ZNF516: variants seen among roughly 807,000 people sequenced by gnomAD.
The protein encoded by ZNF516 is zinc finger protein 516.
In ZNF516, 19 loss-of-function variants were observed where a neutral mutation model predicts 79.7. The ratio of observed to expected loss-of-function variants is 0.24; its 90% CI spans 0.17 to 0.35. The LOEUF (loss-of-function observed/expected upper bound fraction) is 0.35. Ranked by LOEUF, ZNF516 falls within the 10% of genes least tolerant of loss-of-function variation. ZNF516 has a pLI of 1.00. For synonymous variants in ZNF516, 877 were observed against 739.5 expected, an observed-to-expected ratio of 1.19 and a Z score of -3.02; for missense variants, 1,678 against 1,679.5, an observed-to-expected ratio of 1.00 and a Z score of 0.02.
intron 1 of ZNF516, chr18:76,491,198 G>A (rs1915168772): frequency 1.3e-6 from 1 of 797,888 alleles, no homozygotes; most frequent in Non-Finnish European, 1.5e-6. Flanking sequence ...CCCGGTCCAC[G>A]CCGCCGCGCG....
At position 76,379,834 on chromosome 18, in the gene ZNF516, G is replaced by A; in HGVS notation, c.2280C>T (p.His760=). The change falls in exon 4 of 7, where the codon CAC becomes CAT. Residue 760 remains histidine, a synonymous_variant. Coordinates refer to ENST00000443185, the MANE Select transcript of ZNF516 (RefSeq NM_014643.4). ...ASSLQAALVV[H]PCPYCSHKTY... ...TCTTGTGGCTGCAGTAAGGACACGG[G>A]TGAACGACTAAAGCCGCCTGCAGGG... The A allele has an allele frequency of 6.2e-7, 1 of 1,613,894 alleles. No individual in the cohort carries two copies. Among genetic ancestry groups the A allele is most frequent in the Non-Finnish European group, 8.5e-7 (1 of 1,179,864 alleles).
At chr18:76,495,970 T>C (rs964322976), upstream of ZNF516, among the ~76,000 whole-genome samples, 1 of 152,214 alleles carries the variant, frequency 6.6e-6, no homozygotes, top group Non-Finnish European at 1.5e-5. Context: ...AGGGGTTGTT[T>C]ACCGGTAGCC....
chr18:76,395,327 C>A (rs993101105), intron 3 of ZNF516, among the ~76,000 whole-genome samples: 1 of 152,158 alleles, frequency 6.6e-6, no homozygotes. Context: ...TGTTTCACAG[C>A]TTTATCGCCA....
chr18:76,379,688 A>G lies in ZNF516; in HGVS notation c.2426T>C (p.Phe809Ser). 1 of 1,613,712 alleles carries G rather than the reference A, an allele frequency of 6.2e-7. No individual in the cohort carries two copies. The highest frequency in any genetic ancestry group is 1.1e-5 in the South Asian group (1 of 91,088). ...GYKSIRSNLV[F>S]LSRSGRTGPP... ...GCCCGTGCGTCCGCTCCGGGAAAGG[A>G]AAACCAAATTGCTTCTGATGCTTTT... Residue 809 changes from phenylalanine to serine, a missense_variant, in exon 4 of 7, where the codon TTC becomes TCC. Phe to Ser is a radical substitution (Grantham distance 155). Transcript: ENST00000443185.
intron 3 of ZNF516, among the ~76,000 whole-genome samples, chr18:76,390,627 G>A (rs569381181): frequency 2.4e-4 from 37 of 152,318 alleles, no homozygotes; most frequent in Non-Finnish European, 2.5e-4. Context: ...CCAAGTCTCC[G>A]AGGAAACGAG....
At chr18:76,410,094 T>A (rs376057426) in intron 3 of ZNF516, among the ~76,000 whole-genome samples, 9 of 152,338 alleles carry the variant, frequency 5.9e-5, no homozygotes, top group African/African-American at 2.2e-4. Context: ...CATGGGGAGC[T>A]ATGAGTCCAC....
upstream of ZNF516, chr18:76,495,429 C>G (rs149601907): frequency 6.7e-6 from 1 of 149,712 alleles, no homozygotes; most frequent in Non-Finnish European, 1.5e-5. Flanking sequence ...GCTCACGGCC[C>G]GGCGCAGGCC....
At chr18:76,463,498 T>C (rs1304613247) in intron 1 of ZNF516, among the ~76,000 whole-genome samples, 1 of 152,262 alleles carries the variant, frequency 6.6e-6, no homozygotes, top group Non-Finnish European at 1.5e-5. Context: ...ACACCTGCTA[T>C]GCATATGCCC....
intron 3 of ZNF516, among the ~76,000 whole-genome samples, chr18:76,434,793 T>A (rs1424903110): frequency 6.6e-6 from 1 of 152,210 alleles, no homozygotes; most frequent in Non-Finnish European, 1.5e-5. Context: ...ACCCACAGTG[T>A]GCCAGGAACA....
intron 3 of ZNF516, among the ~76,000 whole-genome samples, chr18:76,418,818 T>C (rs2075469883): frequency 6.6e-6 from 1 of 152,246 alleles, no homozygotes; most frequent in South Asian, 2.1e-4. Flanking sequence ...GAACAAATGA[T>C]GTTAAATCCC....
chr18:76,417,541 G>T (rs1468935971), intron 3 of ZNF516, among the ~76,000 whole-genome samples: 21 of 152,170 alleles, frequency 1.4e-4, no homozygotes, highest in Non-Finnish European at 2.9e-4. Context: ...TTACCTTAAT[G>T]TATCATATTA....
chr18:76,479,549 G>A (rs1000359605), intron 1 of ZNF516, among the ~76,000 whole-genome samples: 2 of 152,232 alleles, frequency 1.3e-5, no homozygotes, highest in African/African-American at 4.8e-5. Flanking sequence ...ATGGAGGGAA[G>A]ACGCACAGGC....
Position 76,368,493 on chromosome 18 carries a change from A to C in ZNF516, c.3432+2035T>G, listed in dbSNP as rs1599131126. Among the ~76,000 whole-genome samples the C allele has an allele frequency of 2.0e-5, 3 of 152,062 alleles. No individual in the cohort carries two copies. In the South Asian group the frequency reaches 6.3e-4, roughly 32 times the overall value. On this transcript the variant is annotated intron_variant, in intron 6 of 6. Coordinates refer to ENST00000443185, the MANE Select transcript of ZNF516 (RefSeq NM_014643.4). ...AGCTCAGTTTTAATGCCAGGCCTGA[A>C]CTGCCACTGTCCTATGAATGAAAGG...
Position 76,491,268 on chromosome 18 carries a change from C to G in ZNF516, c.-272+3876G>C, listed in dbSNP as rs181947253. Among the ~76,000 whole-genome samples, 1,794 of 99,748 alleles carry G rather than the reference C, an allele frequency of 0.018. 98 individuals carry two copies. In the East Asian group the frequency reaches 0.21, roughly 12 times the overall value. 65.4% of individuals were successfully genotyped at this position (99,748 alleles called of 152,430 possible). On this transcript the variant is annotated intron_variant, in intron 1 of 6. Coordinates refer to ENST00000443185, the MANE Select transcript of ZNF516 (RefSeq NM_014643.4). ...GACCCCAGTTCCGGACCGGACCCGC[C>G]CCCCTCCCCGGCCCCGGCCCCGGCC...
At chr18:76,478,523 A>AT (rs1338781079) in intron 1 of ZNF516, among the ~76,000 whole-genome samples, 5 of 152,236 alleles carry the variant, frequency 3.3e-5, no homozygotes, top group Non-Finnish European at 7.3e-5. Context: ...AAAATAAACA[A>AT]TTTTTTAATC....
chr18:76,450,659 G>A (rs1912351356), intron 2 of ZNF516, among the ~76,000 whole-genome samples: 1 of 152,094 alleles, frequency 6.6e-6, no homozygotes, highest in African/African-American at 2.4e-5. Flanking sequence ...GTGTATTCTG[G>A]CATTCCTAAC....
At chr18:76,458,851 C>T (rs1373126529) in intron 2 of ZNF516, among the ~76,000 whole-genome samples, 1 of 148,610 alleles carries the variant, frequency 6.7e-6, no homozygotes, top group Non-Finnish European at 1.5e-5. Flanking sequence ...TGTGTGCATG[C>T]CTGTAGGCAA....
chr18:76,463,752 A>AGAT (rs766476830), intron 1 of ZNF516, among the ~76,000 whole-genome samples: 12 of 152,370 alleles, frequency 7.9e-5, no homozygotes, highest in African/African-American at 1.2e-4. Context: ...CGGAATCCCC[A>AGAT]GATGTTTCAG....
At chr18:76,455,282 A>G (rs1031727188) in intron 2 of ZNF516, among the ~76,000 whole-genome samples, 2 of 152,212 alleles carry the variant, frequency 1.3e-5, no homozygotes, top group African/African-American at 4.8e-5. Flanking sequence ...ACGCAGTGGA[A>G]GAATGCATTC....
Sources: gnomAD v4.1 joint callset for allele counts (sites outside exome capture counted in the v4.1 genomes callset) on GRCh38, gnomAD v4.1.1 for gene constraint, MANE v1.5 for transcripts, NCBI Gene and HGNC (gene_info 2026-07-23, HGNC 2026-07-21) for gene names.